CALCRL: variants seen among roughly 807,000 people sequenced by gnomAD.
CALCRL encodes the protein calcitonin receptor like receptor.
A neutral mutation model predicts 60.4 loss-of-function variants in CALCRL; 27 were observed. That is an observed-to-expected ratio of 0.45 (90% CI 0.33 to 0.62). The LOEUF (loss-of-function observed/expected upper bound fraction) is 0.62. Ranked by LOEUF, CALCRL falls within the 20% of genes least tolerant of loss-of-function variation. The pLI is 0.03. For synonymous variants in CALCRL, 190 were observed against 182.6 expected (o/e 1.04, Z -0.33); for missense variants, 424 against 540.7 (o/e 0.78, Z 2.14).
chr2:187,385,481 C>A, intron 4 of CALCRL, 64 bp downstream of exon 4: 4 of 806,486 alleles, frequency 5.0e-6, no homozygotes, highest in South Asian at 1.7e-5. Context: ...CATTAATATT[C>A]TTTATCAATT....
chr2:187,360,543 C>T, intron 10 of CALCRL, 55 bp downstream of exon 10: 1 of 1,446,226 alleles, frequency 6.9e-7, no homozygotes. Flanking sequence ...AACCTGGCAT[C>T]CTCCAAAGGC....
At chr2:187,410,422 A>G (rs987196300) in intron 1 of CALCRL, among the ~76,000 whole-genome samples, 4 of 152,116 alleles carry the variant, frequency 2.6e-5, no homozygotes, top group African/African-American at 9.7e-5. Context: ...AAAGAAAGAA[A>G]AAAAAAAGGA....
At chr2:187,346,504 T>A (rs750440495) in intron 14 of CALCRL, 105 bp from the exon 15 acceptor site, 35 of 718,900 alleles carry the variant, frequency 4.9e-5, no homozygotes, top group East Asian at 3.5e-4. Flanking sequence ...AGAGCTTTTT[T>A]AAAAAAAGTT....
At chr2:187,366,249 C>CAAAAAAAAAAAAAAAAAAAAAA (rs59586461) in intron 8 of CALCRL, among the ~76,000 whole-genome samples, 20 of 94,616 alleles carry the variant, frequency 2.1e-4, no homozygotes, top group African/African-American at 9.1e-4. Flanking sequence ...GACTCCGTCT[C>CAAAAAAAAAAAAAAAAAAAAAA]AAAAAAAAAA....
Position 187,383,280 on chromosome 2 carries a change from T to A in CALCRL, c.77A>T (p.Glu26Val). 6.2e-7 allele frequency: 1 copy of A among 1,603,388 alleles called. No individual in the cohort carries two copies. Among genetic ancestry groups the A allele is most frequent in the South Asian group, 1.1e-5 (1 of 88,998 alleles). The change falls in exon 5 of 15, where the codon GAG becomes GTG. Residue 26 changes from glutamate (E) to valine (V), a missense_variant. Glu to Val is a moderately radical substitution (Grantham distance 121). Transcript: ENST00000392370. ...CAACTGAATTGAGTCCTCAGGACTCTCTTCTAATTCTGCTGTAACAAGAAT... is the reference window on the plus strand; with the variant it reads ...CAACTGAATTGAGTCCTCAGGACTCACTTCTAATTCTGCTGTAACAAGAAT... ...FMILVTAELE[E>V]SPEDSIQLGV...
intron 1 of CALCRL, among the ~76,000 whole-genome samples, chr2:187,435,749 A>T (rs1316016570): frequency 1.3e-5 from 2 of 152,052 alleles, no homozygotes; most frequent in Non-Finnish European, 2.9e-5. Flanking sequence ...TTGAAAGTTT[A>T]TTATGTGATT....
rs554262525 is a variant in CALCRL, at chr2:187,407,915, T to C, written c.-292-20159A>G. Among the ~76,000 whole-genome samples, 20 of 152,222 alleles carry C rather than the reference T, an allele frequency of 1.3e-4. No individual in the cohort carries two copies. In the South Asian group the frequency reaches 4.1e-3, roughly 32 times the overall value. Reference sequence around the variant, plus strand: ...CTAAGACTTGTTTTGCATGGTGCATTAAGCTTTGCTAATGTTCCCACCTCT... The same window carrying C: ...CTAAGACTTGTTTTGCATGGTGCATCAAGCTTTGCTAATGTTCCCACCTCT... On this transcript the variant is annotated intron_variant, in intron 1 of 14. Transcript: ENST00000392370.
In CALCRL at chr2:187,390,552, A is replaced by G. The variant is rs148829600; in HGVS notation, c.-292-2796T>C. ...TACCATTATTTTTGTTGCTTATCTA[A>G]TAGGCTTCAAAATCAGAGTTCCAAA... On this transcript the variant is annotated intron_variant, in intron 1 of 14. Coordinates refer to ENST00000392370, the MANE Select transcript of CALCRL (RefSeq NM_005795.6). Among the ~76,000 whole-genome samples the G allele has an allele frequency of 7.2e-5, 11 of 152,286 alleles. No individual in the cohort carries two copies. The East Asian group carries it at 1.7e-3, about 24-fold the overall frequency.
intron 9 of CALCRL, among the ~76,000 whole-genome samples, chr2:187,362,318 T>C (rs893380630): frequency 7.2e-5 from 11 of 152,076 alleles, no homozygotes; most frequent in African/African-American, 2.7e-4. Flanking sequence ...TGGCAGGACA[T>C]TAGCCAGATT....
At chr2:187,423,569 T>C (rs1217762231) in intron 1 of CALCRL, among the ~76,000 whole-genome samples, 1 of 151,948 alleles carries the variant, frequency 6.6e-6, no homozygotes, top group East Asian at 1.9e-4. Context: ...TTAGAAAACT[T>C]ACTCTTGGAT....
intron 14 of CALCRL, among the ~76,000 whole-genome samples, chr2:187,347,493 T>G (rs1686334664): frequency 6.6e-6 from 1 of 151,852 alleles, no homozygotes; most frequent in African/African-American, 2.4e-5. Flanking sequence ...TACTGAGGTA[T>G]AATTGTTTAA....
chr2:187,375,832 C>T lies in CALCRL; in HGVS notation c.500+3108G>A, dbSNP rs375825780. On this transcript the variant is annotated intron_variant, in intron 8 of 14. Coordinates refer to ENST00000392370, the MANE Select transcript of CALCRL (RefSeq NM_005795.6). ...CATTCTCTGGTTTTAAATTTTAACCCTTCAATTAAAATTTAAAATTACTTG... is the reference window on the plus strand; with the variant it reads ...CATTCTCTGGTTTTAAATTTTAACCTTTCAATTAAAATTTAAAATTACTTG... 4.7e-4 allele frequency among the ~76,000 whole-genome samples: 71 copies of T among 152,134 alleles called. 1 individual carries two copies. In the East Asian group the frequency reaches 0.011, roughly 23 times the overall value.
At chr2:187,422,343 G>A (rs989175927) in intron 1 of CALCRL, among the ~76,000 whole-genome samples, 1 of 152,102 alleles carries the variant, frequency 6.6e-6, no homozygotes, top group Admixed American at 6.6e-5. Flanking sequence ...TGGCTTGATA[G>A]CCCTGCTAAC....
At chr2:187,394,945 C>T (rs1384038495) in intron 1 of CALCRL, among the ~76,000 whole-genome samples, 1 of 151,958 alleles carries the variant, frequency 6.6e-6, no homozygotes, top group East Asian at 1.9e-4. Context: ...TTGCCTATAA[C>T]TTTTATCATA....
rs200787283 is a variant in CALCRL, at chr2:187,426,239, A to AT, written c.-293+21799dup. On this transcript the variant is annotated intron_variant, in intron 1 of 14. Transcript: ENST00000392370. ...TGTGAAGTTATGGTGTCTGTCATTTATTATTTTTTTTTTTTGCAGACGTGT... is the reference window on the plus strand; with the variant it reads ...TGTGAAGTTATGGTGTCTGTCATTTATTTATTTTTTTTTTTTGCAGACGTGT... Among the ~76,000 whole-genome samples, 391 of 127,464 alleles carry AT rather than the reference A, an allele frequency of 3.1e-3. 4 individuals carry two copies. Among genetic ancestry groups the AT allele is most frequent in the Middle Eastern group, 0.014 (3 of 222 alleles). The allele number at this position is 127,464 out of a possible 152,430, so 83.6% of individuals were successfully genotyped here.
chr2:187,362,220 C>T (rs62174489), intron 9 of CALCRL, among the ~76,000 whole-genome samples: 5,369 of 151,990 alleles, frequency 0.035, 140 homozygotes, highest in Non-Finnish European at 0.051. Context: ...CACATCTTTG[C>T]GTACAAATAT....
intron 1 of CALCRL, among the ~76,000 whole-genome samples, chr2:187,435,865 C>CAT (rs1553516607): frequency 1.0e-4 from 15 of 148,312 alleles, no homozygotes; most frequent in Admixed American, 6.8e-4. Flanking sequence ...TGTGTTTGTG[C>CAT]GTGCGTGTGT....
At chr2:187,358,529 CT>C (rs142820252) in intron 12 of CALCRL, among the ~76,000 whole-genome samples, 12,050 of 151,392 alleles carry the variant, frequency 0.08, 603 homozygotes, top group South Asian at 0.17. Context: ...CCACCCCCCC[CT>C]GCTAGATTCA....
chr2:187,364,313 T>G (rs930464006), intron 8 of CALCRL, among the ~76,000 whole-genome samples: 1 of 152,166 alleles, frequency 6.6e-6, no homozygotes, highest in Non-Finnish European at 1.5e-5. Flanking sequence ...TCCTTTATAA[T>G]GCATTTACTC....
Sources: allele counts gnomAD v4.1 joint callset (sites outside exome capture counted in the v4.1 genomes callset), GRCh38; gene constraint gnomAD v4.1.1; transcripts MANE v1.5; gene names NCBI Gene and HGNC (gene_info 2026-07-23, HGNC 2026-07-21).